The following LYN variants were observed in gnomAD, a reference collection of about 807,000 sequenced individuals.
LYN encodes tyrosine-protein kinase Lyn.
A neutral mutation model predicts 65.0 loss-of-function variants in LYN; 12 were observed. The observed-to-expected ratio is 0.18, with a 90% CI of 0.12 to 0.30. The LOEUF is 0.30. Ranked by LOEUF, LYN falls within the 10% of genes least tolerant of loss-of-function variation. LYN has a pLI of 1.00. For missense variants in LYN, 380 were observed against 623.2 expected, an observed-to-expected ratio of 0.61 and a Z score of 4.16; for synonymous variants, 222 against 221.2, an observed-to-expected ratio of 1.00 and a Z score of -0.03.
intron 10 of LYN, among the ~76,000 whole-genome samples, chr8:55,986,628 C>T (rs887656178): frequency 2.6e-5 from 4 of 152,230 alleles, no homozygotes; most frequent in African/African-American, 9.7e-5. Context: ...TCACAGAAAT[C>T]TCCACCAGCC....
At chr8:55,997,126 C>T (rs1233448189) in intron 10 of LYN, among the ~76,000 whole-genome samples, 2 of 148,788 alleles carry the variant, frequency 1.3e-5, no homozygotes, top group African/African-American at 2.5e-5. Flanking sequence ...CATGCTACTG[C>T]ACTCCAGCCT....
intron 1 of LYN, among the ~76,000 whole-genome samples, chr8:55,939,537 G>T (rs74392075): frequency 2.2e-4 from 34 of 152,148 alleles, no homozygotes; most frequent in Non-Finnish European, 2.9e-4. Flanking sequence ...CGCAGTGGGG[G>T]GGGGACAGGG....
intron 8 of LYN, among the ~76,000 whole-genome samples, chr8:55,964,921 G>A (rs186620596): frequency 2.6e-5 from 4 of 152,238 alleles, no homozygotes; most frequent in East Asian, 3.9e-4. Context: ...TCCACTCCAC[G>A]TCACCTTTCC....
At chr8:55,999,392 T>A (rs1330739823) in intron 11 of LYN, 26 bp from the exon 12 acceptor site, 2 of 1,606,050 alleles carry the variant, frequency 1.2e-6, no homozygotes, top group Admixed American at 1.7e-5. Flanking sequence ...AATACCCAAG[T>A]AAGAACCACA....
At chr8:55,938,873 TC>T (rs1294418575) in intron 1 of LYN, among the ~76,000 whole-genome samples, 3 of 152,348 alleles carry the variant, frequency 2.0e-5, no homozygotes, top group African/African-American at 7.2e-5. Context: ...GCCTCACCCC[TC>T]CCAGCTATGC....
intron 7 of LYN, 88 bp from the exon 8 acceptor site, chr8:55,953,744 T>C (rs1041631249): frequency 1.7e-6 from 2 of 1,190,008 alleles, no homozygotes; most frequent in Non-Finnish European, 2.4e-6. Flanking sequence ...TTGGACACTA[T>C]AAGGCTAGTG....
chr8:55,924,789 G>A (rs1448303860), intron 1 of LYN, among the ~76,000 whole-genome samples: 1 of 152,172 alleles, frequency 6.6e-6, no homozygotes, highest in Non-Finnish European at 1.5e-5. Context: ...ATATACTGCA[G>A]ATATGTCACT....
intron 2 of LYN, among the ~76,000 whole-genome samples, chr8:55,944,701 G>C (rs1426129586): frequency 6.6e-6 from 1 of 152,262 alleles, no homozygotes; most frequent in South Asian, 2.1e-4. Context: ...GGCTTGTCTT[G>C]AACTCCTTAC....
rs892168433 is a variant in LYN, at chr8:55,957,788, C to CA, written c.790+3813dup. Among the ~76,000 whole-genome samples the CA allele has an allele frequency of 2.6e-5, 4 of 151,182 alleles. No homozygotes were observed. In the South Asian group the frequency reaches 6.3e-4, roughly 24 times the overall value. ...TGAAACCCTGTCTCTATCAAAAATACAAAAAAAAATTAGTTGAGCATGGTG... is the reference window on the plus strand; with the variant it reads ...TGAAACCCTGTCTCTATCAAAAATACAAAAAAAAAATTAGTTGAGCATGGTG... On this transcript the variant is annotated intron_variant, in intron 8 of 12. Transcript: ENST00000519728.
intron 10 of LYN, among the ~76,000 whole-genome samples, chr8:55,986,957 C>T (rs1009472123): frequency 2.0e-5 from 3 of 152,142 alleles, no homozygotes; most frequent in Non-Finnish European, 4.4e-5. Flanking sequence ...CTCAAGTGAT[C>T]CTTCCTGCTA....
chr8:55,914,987 T>C (rs946380861), intron 1 of LYN, among the ~76,000 whole-genome samples: 1 of 152,230 alleles, frequency 6.6e-6, no homozygotes, highest in Non-Finnish European at 1.5e-5. Flanking sequence ...AATTTAATAA[T>C]TGTGAATTAG....
At chr8:55,975,352 G>A (rs1244591869) in intron 10 of LYN, among the ~76,000 whole-genome samples, 1 of 152,190 alleles carries the variant, frequency 6.6e-6, no homozygotes, top group Non-Finnish European at 1.5e-5. Flanking sequence ...TTCTGCATGG[G>A]GAAAATCACT....
Position 56,001,021 on chromosome 8 carries a change from G to A in LYN, c.1336+1472G>A, listed in dbSNP as rs560103918. ...GTGGTGAGAGTAGTGTGGAGCCTGC[G>A]TGGAGTGGCTTAGGGATTGGCGAGT... On this transcript the variant is annotated intron_variant, in intron 12 of 12. Coordinates refer to ENST00000519728, the MANE Select transcript of LYN (RefSeq NM_002350.4). 2.6e-5 allele frequency among the ~76,000 whole-genome samples: 4 copies of A among 152,180 alleles called. No individual in the cohort carries two copies. The East Asian group carries it at 7.7e-4, about 29-fold the overall frequency.
At chr8:55,890,130 A>T (rs376483435) in intron 1 of LYN, among the ~76,000 whole-genome samples, 5,392 of 150,126 alleles carry the variant, frequency 0.036, 155 homozygotes, top group Non-Finnish European at 0.05. Context: ...AAAAAAAAAA[A>T]AAAAAAAAGA....
At chr8:55,904,191 A>G (rs1461142120) in intron 1 of LYN, among the ~76,000 whole-genome samples, 2 of 152,154 alleles carry the variant, frequency 1.3e-5, no homozygotes, top group Non-Finnish European at 2.9e-5. Context: ...ACGATGAACA[A>G]TTTTTTAAAT....
chr8:55,889,297 G>C (rs1409850042), intron 1 of LYN, among the ~76,000 whole-genome samples: 1 of 152,200 alleles, frequency 6.6e-6, no homozygotes, highest in Non-Finnish European at 1.5e-5. Flanking sequence ...CTGCACCCTT[G>C]ACCTCCTGGG....
In LYN at chr8:55,941,913, T is replaced by C; in HGVS notation, c.54T>C (p.Asp18=). ...GKDSLSDDGV[D]LKTQPVRNTE... is the part of the protein sequence containing the mutation. Reference sequence around the variant, plus strand: ...ACAGCTTGAGTGACGATGGAGTAGATTTGAAGACTCAACCAGTACGTAATA... The same window carrying C: ...ACAGCTTGAGTGACGATGGAGTAGACTTGAAGACTCAACCAGTACGTAATA... The change falls in exon 2 of 13, where the codon GAT becomes GAC. Residue 18 remains aspartate, a synonymous_variant. Transcript: ENST00000519728. 1 of 1,612,834 alleles carries C rather than the reference T, an allele frequency of 6.2e-7. No individual in the cohort carries two copies. The highest frequency in any genetic ancestry group is 8.5e-7 in the Non-Finnish European group (1 of 1,179,028).
intron 1 of LYN, among the ~76,000 whole-genome samples, chr8:55,910,977 A>G (rs1585587522): frequency 7.1e-6 from 1 of 140,980 alleles, no homozygotes; most frequent in Non-Finnish European, 1.5e-5. Flanking sequence ...GCTCACTGCA[A>G]CCTCCGCTTC....
intron 1 of LYN, among the ~76,000 whole-genome samples, chr8:55,925,227 A>G (rs1806072950): frequency 1.3e-5 from 2 of 152,094 alleles, no homozygotes; most frequent in South Asian, 2.1e-4. Flanking sequence ...GGCTCAGGCA[A>G]TCCTCCCACA....
Sources: allele counts gnomAD v4.1 joint callset (sites outside exome capture counted in the v4.1 genomes callset), GRCh38; gene constraint gnomAD v4.1.1; transcripts MANE v1.5; gene names NCBI Gene and HGNC (gene_info 2026-07-23, HGNC 2026-07-21).